Variants in VWA3B observed in about 807,000 individuals in gnomAD.
VWA3B encodes the protein von Willebrand factor A domain-containing protein 3B.
Under a neutral mutation model 158.3 loss-of-function variants are expected in VWA3B, and 138 were observed. The observed-to-expected ratio is 0.87, with a 90% CI of 0.76 to 1.00. The LOEUF (loss-of-function observed/expected upper bound fraction) is 1.00. Among genes scored for constraint, VWA3B ranks in the 50% least tolerant of loss-of-function variants. VWA3B has a pLI of 0.00. For missense variants in VWA3B, 1,555 were observed against 1,565.1 expected, an observed-to-expected ratio of 0.99 and a Z score of 0.11; for synonymous variants, 596 against 587.3, an observed-to-expected ratio of 1.01 and a Z score of -0.21.
chr2:98,290,717 C>T, intron 23 of VWA3B, 95 bp downstream of exon 23: 1 of 860,430 alleles, frequency 1.2e-6, no homozygotes, highest in Non-Finnish European at 1.8e-6. Flanking sequence ...AGAACACTGA[C>T]ATTTCATGAG....
intron 8 of VWA3B, among the ~76,000 whole-genome samples, chr2:98,180,263 C>T (rs968565039): frequency 7.2e-5 from 11 of 152,074 alleles, no homozygotes; most frequent in Admixed American, 4.6e-4. Context: ...GGTGCATTCT[C>T]GGCTCACCGC....
chr2:98,204,283 T>C (rs2105493557), intron 12 of VWA3B, among the ~76,000 whole-genome samples: 1 of 152,282 alleles, frequency 6.6e-6, no homozygotes, highest in East Asian at 1.9e-4. Context: ...GGATAGAACT[T>C]CCAGTACTAC....
intron 17 of VWA3B, 100 bp downstream of exon 17, chr2:98,234,867 T>C: frequency 3.3e-6 from 5 of 1,508,986 alleles, no homozygotes; most frequent in South Asian, 1.3e-5. Context: ...AATCATATTT[T>C]AAATGGGCCC....
intron 22 of VWA3B, among the ~76,000 whole-genome samples, chr2:98,272,073 T>A (rs1466639777): frequency 6.6e-6 from 1 of 152,206 alleles, no homozygotes; most frequent in Non-Finnish European, 1.5e-5. Context: ...AGACACCGGT[T>A]GGTTCTCCTC....
the VWA3B span, among the ~76,000 whole-genome samples, chr2:98,321,373 T>A: frequency 6.6e-6 from 1 of 152,176 alleles, no homozygotes; most frequent in Non-Finnish European, 1.5e-5. Flanking sequence ...AGAGGGCCAC[T>A]GTTCTCCAGA....
intron 19 of VWA3B, chr2:98,242,204 C>T (rs1686116677): frequency 2.2e-6 from 1 of 455,916 alleles, no homozygotes; most frequent in Admixed American, 2.4e-5. Flanking sequence ...TCATTCATCA[C>T]TTATGTATGG....
intron 1 of VWA3B, among the ~76,000 whole-genome samples, chr2:98,088,943 G>T (rs1682068404): frequency 6.6e-6 from 1 of 151,888 alleles, no homozygotes; most frequent in Non-Finnish European, 1.5e-5. Flanking sequence ...TAGTAGAGAC[G>T]AGGTTTCACC....
intron 7 of VWA3B, among the ~76,000 whole-genome samples, chr2:98,157,937 C>T (rs1172748954): frequency 6.6e-6 from 1 of 152,228 alleles, no homozygotes; most frequent in Non-Finnish European, 1.5e-5. Context: ...CTTTTCTCCT[C>T]CTGTCCTGGA....
chr2:98,316,938 C>T (rs1265953214), downstream of VWA3B, among the ~76,000 whole-genome samples: 1 of 152,144 alleles, frequency 6.6e-6, no homozygotes, highest in African/African-American at 2.4e-5. Context: ...TCCTGTACAT[C>T]CTGCGGAACC....
chr2:98,162,068 G>C (rs1678640693), intron 7 of VWA3B, among the ~76,000 whole-genome samples: 1 of 152,106 alleles, frequency 6.6e-6, no homozygotes. Context: ...GCATGGCTGG[G>C]ACCTTGACTT....
chr2:98,203,013 A>G (rs1169760823), intron 12 of VWA3B, among the ~76,000 whole-genome samples: 2 of 152,084 alleles, frequency 1.3e-5, no homozygotes, highest in Non-Finnish European at 2.9e-5. Context: ...TTGTGTTTTT[A>G]GTAGAGACGG....
At chr2:98,114,882 GT>G (rs1368073047) in intron 2 of VWA3B, among the ~76,000 whole-genome samples, 4 of 152,226 alleles carry the variant, frequency 2.6e-5, no homozygotes, top group Non-Finnish European at 5.9e-5. Context: ...CCCAATAAGG[GT>G]TTATGCAACA....
chr2:98,315,417 G>T (rs972713015), downstream of VWA3B, among the ~76,000 whole-genome samples: 1 of 152,208 alleles, frequency 6.6e-6, no homozygotes, highest in African/African-American at 2.4e-5. Flanking sequence ...GTGGGTGATT[G>T]CTATAGGGAT....
At chr2:98,116,507 A>T (rs1573805749) in intron 3 of VWA3B, among the ~76,000 whole-genome samples, 1 of 151,738 alleles carries the variant, frequency 6.6e-6, no homozygotes, top group African/African-American at 2.4e-5. Flanking sequence ...TCATTTTTTT[A>T]AATTCTCTTT....
At position 98,303,806 on chromosome 2, in the gene VWA3B, A is replaced by G; in HGVS notation, c.3521+4A>G. 2.5e-6 allele frequency: 4 copies of G among 1,613,310 alleles called. No individual in the cohort carries two copies. The highest frequency in any genetic ancestry group is 3.4e-6 in the Non-Finnish European group (4 of 1,179,298). The stretch of plus-strand genomic sequence containing the variant: ...CAATTCCTGAGGATCCAGAAGTGTA[A>G]GTGTACTCAACTTTTATCTCTTGAA... On this transcript the variant is annotated splice_donor_region_variant and intron_variant, in intron 26 of 27. Coordinates refer to ENST00000477737, the MANE Select transcript of VWA3B (RefSeq NM_144992.5).
Position 98,256,153 on chromosome 2 carries a change from T to C in VWA3B, c.2822T>C (p.Leu941Ser). The C allele has an allele frequency of 6.2e-7, 1 of 1,613,356 alleles. No homozygotes were observed. Among genetic ancestry groups the C allele is most frequent in the African/African-American group, 1.3e-5 (1 of 74,820 alleles). ...KRLNKIVWRALSQEEKEKLDA... is the reference protein window; with the variant it reads ...KRLNKIVWRASSQEEKEKLDA... ...TTGAATAAAATTGTTTGGCGAGCAT[T>C]ATCTCAAGAGGAAAAAGAAAAGTAA... The change falls in exon 21 of 28, where the codon TTA becomes TCA. Residue 941 changes from leucine to serine, a missense_variant. Transcript: ENST00000477737.
chr2:98,242,048 A>G (rs569699870), intron 19 of VWA3B, among the ~76,000 whole-genome samples: 7 of 152,328 alleles, frequency 4.6e-5, no homozygotes. Flanking sequence ...GCAGACAAAA[A>G]GTAGAATGGA....
At chr2:98,232,535 G>C (rs1408498291) in intron 16 of VWA3B, among the ~76,000 whole-genome samples, 1 of 151,942 alleles carries the variant, frequency 6.6e-6, no homozygotes, top group African/African-American at 2.4e-5. Context: ...TCATGCATTT[G>C]CTTTTTCTGA....
At chr2:98,298,437 CT>C (rs1558773837) in intron 24 of VWA3B, among the ~76,000 whole-genome samples, 31 of 143,250 alleles carry the variant, frequency 2.2e-4, no homozygotes, top group African/African-American at 6.8e-4. Context: ...CTATTCTATT[CT>C]ATTCTATGCC....
Sources: allele counts gnomAD v4.1 joint callset (sites outside exome capture counted in the v4.1 genomes callset), GRCh38; gene constraint gnomAD v4.1.1; transcripts MANE v1.5; gene names NCBI Gene and HGNC (gene_info 2026-07-23, HGNC 2026-07-21).